Variants in RGS5 observed in about 807,000 individuals in gnomAD.
The protein encoded by RGS5 is regulator of G protein signaling 5.
A neutral mutation model predicts 18.9 loss-of-function variants in RGS5; 20 were observed. The observed-to-expected ratio is 1.06, with a 90% CI of 0.74 to 1.54. The LOEUF (loss-of-function observed/expected upper bound fraction) is 1.54, where lower values mean the gene tolerates loss of function less well. RGS5 is among the 40% of genes most tolerant of loss of function. The pLI, the probability that RGS5 is intolerant of heterozygous loss-of-function variation, is 0.00. For synonymous variants in RGS5, 57 were observed against 76.2 expected (o/e 0.75, Z 1.31); for missense variants, 201 against 211.8 (o/e 0.95, Z 0.32).
intron 2 of RGS5, among the ~76,000 whole-genome samples, chr1:163,277,381 C>T (rs571350205): frequency 6.6e-6 from 1 of 152,282 alleles, no homozygotes; most frequent in East Asian, 1.9e-4. Context: ...ACAAGTGCAT[C>T]CTTAACCTTG....
At chr1:163,269,911 T>G (rs1648673091) in intron 2 of RGS5, among the ~76,000 whole-genome samples, 1 of 152,168 alleles carries the variant, frequency 6.6e-6, no homozygotes, top group South Asian at 2.1e-4. Flanking sequence ...ATCTGTCAAA[T>G]CTAACTGGAA....
intron 1 of RGS5, among the ~76,000 whole-genome samples, chr1:163,310,582 A>C (rs893753313): frequency 6.6e-6 from 1 of 151,810 alleles, no homozygotes; most frequent in Non-Finnish European, 1.5e-5. Context: ...CTCAAAAAAA[A>C]AAAAAAAAAA....
intron 3 of RGS5, among the ~76,000 whole-genome samples, chr1:163,154,682 T>C (rs1039196775): frequency 6.6e-6 from 1 of 151,958 alleles, no homozygotes; most frequent in Non-Finnish European, 1.5e-5. Context: ...TTCTCTCTCT[T>C]CTAATATTTC....
chr1:163,230,631 C>T lies in RGS5; in HGVS notation c.-280-62263G>A, dbSNP rs200100444. The stretch of plus-strand genomic sequence containing the variant: ...TTAAAAGCAGTCTAAAGTTCAGTAT[C>T]TGATGACAATTCATTCAGTGATACT... On this transcript the variant is annotated intron_variant, in intron 2 of 5. Coordinates refer to the RGS5 transcript ENST00000618415. Among the ~76,000 whole-genome samples the T allele has an allele frequency of 1.1e-4, 16 of 152,322 alleles. No homozygotes were observed. In the East Asian group the frequency reaches 3.1e-3, roughly 29 times the overall value.
At chr1:163,278,460 A>C (rs1411860726) in intron 2 of RGS5, among the ~76,000 whole-genome samples, 1 of 152,150 alleles carries the variant, frequency 6.6e-6, no homozygotes, top group Non-Finnish European at 1.5e-5. Context: ...GGCCACTAAA[A>C]ATGCTTAAGG....
chr1:163,226,702 C>A (rs749490055), intron 2 of RGS5, among the ~76,000 whole-genome samples: 11 of 152,108 alleles, frequency 7.2e-5, no homozygotes, highest in Non-Finnish European at 1.5e-4. Context: ...CTTTTCTAAT[C>A]AAAAATAGAA....
At chr1:163,268,570 C>T (rs1648632375) in intron 2 of RGS5, among the ~76,000 whole-genome samples, 1 of 152,064 alleles carries the variant, frequency 6.6e-6, no homozygotes, top group Admixed American at 6.6e-5. Flanking sequence ...GAACCCACAT[C>T]CCCAACTCTA....
rs909536918 is a variant in RGS5 at position 163,147,264 on chromosome 1, A to C, written c.*78T>G. On this transcript the variant is annotated 3_prime_UTR_variant, in exon 5 of 5. Transcript: ENST00000313961. ...CACTGAGCAAAGCTGCTGTGGGAAG[A>C]TATGTAGATTAATGGGAAATGCAGG... 5.6e-6 allele frequency: 8 copies of C among 1,434,834 alleles called. No homozygotes were observed. The highest frequency in any genetic ancestry group is 7.5e-6 in the Non-Finnish European group (8 of 1,069,084). 88.9% of individuals were successfully genotyped at this position (1,434,834 alleles called of 1,614,324 possible). A position where few individuals can be genotyped will look rare whatever the true frequency, so the allele number is the denominator to read the frequency against.
At chr1:163,148,315 A>C (rs1194026319) in intron 4 of RGS5, among the ~76,000 whole-genome samples, 1 of 152,162 alleles carries the variant, frequency 6.6e-6, no homozygotes, top group Non-Finnish European at 1.5e-5. Flanking sequence ...CTGTCTGGGG[A>C]TCCAGGACCT....
chr1:163,295,985 T>A (rs1571347017), intron 2 of RGS5, among the ~76,000 whole-genome samples: 1 of 152,222 alleles, frequency 6.6e-6, no homozygotes, highest in East Asian at 1.9e-4. Flanking sequence ...GGAAAAAAAA[T>A]TTATCAAGCT....
intron 2 of RGS5, among the ~76,000 whole-genome samples, chr1:163,257,862 T>A (rs1648320687): frequency 6.6e-6 from 1 of 152,224 alleles, no homozygotes; most frequent in African/African-American, 2.4e-5. Context: ...TTCCAGCTAT[T>A]TTAATTTTTG....
chr1:163,172,390 C>T (rs1419247987), intron 1 of RGS5, among the ~76,000 whole-genome samples: 1 of 152,214 alleles, frequency 6.6e-6, no homozygotes, highest in Non-Finnish European at 1.5e-5. Context: ...ATGCTCAAGA[C>T]ATACCACAAA....
chr1:163,311,906 T>A (rs1649873961), intron 1 of RGS5, among the ~76,000 whole-genome samples: 1 of 152,244 alleles, frequency 6.6e-6, no homozygotes, highest in Non-Finnish European at 1.5e-5. Flanking sequence ...ACCTTTAATT[T>A]GTCAAAAATG....
intron 2 of RGS5, among the ~76,000 whole-genome samples, chr1:163,290,267 C>A (rs1027204345): frequency 2.0e-5 from 3 of 152,160 alleles, no homozygotes; most frequent in African/African-American, 7.2e-5. Context: ...TCTTTTCTTT[C>A]GCCTATTAAA....
rs1287139801 is a variant in RGS5, at chr1:163,145,162, A to G, written c.*2180T>C. On this transcript the variant is annotated 3_prime_UTR_variant, in exon 5 of 5. Coordinates refer to ENST00000313961, the MANE Select transcript of RGS5 (RefSeq NM_003617.4). ...CCCACTTTCATAGGGTGTCCAGTCA[A>G]TTTGTGAGTACAGTCCACTGGAGTC... 1 of 152,124 alleles carries G rather than the reference A, an allele frequency of 6.6e-6. No homozygotes were observed. Among genetic ancestry groups the G allele is most frequent in the Non-Finnish European group, 1.5e-5 (1 of 68,020 alleles). 9.4% of individuals were successfully genotyped at this position (152,124 alleles called of 1,614,324 possible). A position where few individuals can be genotyped will look rare whatever the true frequency, so the allele number is the denominator to read the frequency against.
chr1:163,198,862 G>T (rs1200888423), intron 1 of RGS5, among the ~76,000 whole-genome samples: 1 of 151,964 alleles, frequency 6.6e-6, no homozygotes, highest in Non-Finnish European at 1.5e-5. Flanking sequence ...TAGAGACAGG[G>T]TCTCCCTGTG....
chr1:163,316,684 T>A (rs189710110), intron 1 of RGS5, among the ~76,000 whole-genome samples: 26 of 152,308 alleles, frequency 1.7e-4, no homozygotes, highest in African/African-American at 6.0e-4. Flanking sequence ...CGGTATTAAG[T>A]CCACAAAAAT....
intron 1 of RGS5, among the ~76,000 whole-genome samples, chr1:163,314,146 T>C (rs924439187): frequency 1.3e-5 from 2 of 152,118 alleles, no homozygotes; most frequent in Non-Finnish European, 2.9e-5. Flanking sequence ...ATATGCACTA[T>C]CATTATTATA....
chr1:163,263,843 T>C (rs534615492), intron 2 of RGS5, among the ~76,000 whole-genome samples: 1 of 151,206 alleles, frequency 6.6e-6, no homozygotes, highest in African/African-American at 2.4e-5. Flanking sequence ...TTTTATGTTG[T>C]TTTTAAGTAG....
Sources: allele counts gnomAD v4.1 joint callset (sites outside exome capture counted in the v4.1 genomes callset), GRCh38; gene constraint gnomAD v4.1.1; transcripts MANE v1.5; gene names NCBI Gene and HGNC (gene_info 2026-07-23, HGNC 2026-07-21).